The following DMD variants were observed in gnomAD, a reference collection of about 807,000 sequenced individuals.
The protein encoded by DMD is mutant dystrophin.
A neutral mutation model predicts 330.1 loss-of-function variants in DMD; 63 were observed. The ratio of observed to expected loss-of-function variants is 0.19; its 90% CI spans 0.16 to 0.24. The LOEUF (loss-of-function observed/expected upper bound fraction) is 0.24, where lower values mean the gene tolerates loss of function less well. Among genes scored for constraint, DMD ranks in the 10% least tolerant of loss-of-function variants. DMD has a pLI of 1.00. For missense variants in DMD, 3,344 were observed against 2,684.1 expected (o/e 1.25, Z -5.43); for synonymous variants, 1,223 against 959.8 (o/e 1.27, Z -5.07).
chrX:31,877,059 C>T (rs918741416), intron 47 of DMD, among the ~76,000 whole-genome samples: 2 of 111,537 alleles, frequency 1.8e-5, no homozygotes, highest in African/African-American at 6.5e-5. Context: ...ATGAACAGTA[C>T]ATTGTTTAAT....
chrX:31,258,437 A>G (rs1471293611), intron 63 of DMD, among the ~76,000 whole-genome samples: 4 of 113,015 alleles, frequency 3.5e-5, no homozygotes, highest in African/African-American at 1.3e-4. Context: ...ACTATTGGAA[A>G]TATTAACTCT....
chrX:32,452,890 G>A (rs1343052172), intron 26 of DMD, among the ~76,000 whole-genome samples: 2 of 110,797 alleles, frequency 1.8e-5, no homozygotes, highest in Non-Finnish European at 3.8e-5. Context: ...CCTTCCTTCA[G>A]GCAGATTTCT....
chrX:33,163,620 C>CTATG (rs1557282316), intron 1 of DMD, among the ~76,000 whole-genome samples: 1 of 19,465 alleles, frequency 5.1e-5, no homozygotes, highest in Non-Finnish European at 2.2e-4. Context: ...ATATCTATCT[C>CTATG]TATCTATCTA....
intron 1 of DMD, among the ~76,000 whole-genome samples, chrX:33,263,437 A>AT (rs2052992462): frequency 3.8e-5 from 4 of 106,012 alleles, no homozygotes; most frequent in African/African-American, 1.4e-4. Flanking sequence ...GCTTTTTAAA[A>AT]AATATATATA....
rs556509845 is a variant in DMD, at chrX:32,943,468, T to A, written c.93+76671A>T. On this transcript the variant is annotated intron_variant, in intron 2 of 78. Transcript: ENST00000357033. ...TTACAGTCTGCTTTATTTTTTCATG[T>A]ATGTATTTGGATTACCTTTAATATC... Among the ~76,000 whole-genome samples, 40 of 111,584 alleles carry A rather than the reference T, an allele frequency of 3.6e-4. No individual in the cohort carries two copies. In the South Asian group the frequency reaches 0.014, roughly 39 times the overall value.
rs139303190 is a variant in DMD at position 32,334,879 on chromosome X, A to C, written c.5922+7221T>G. On this transcript the variant is annotated intron_variant, in intron 41 of 78. Transcript: ENST00000357033. ...AAGTTTGCTTAATCTACTGTTTACCAAAATTGTTTAAACACTGAAACTTTT... is the reference window on the plus strand; with the variant it reads ...AAGTTTGCTTAATCTACTGTTTACCCAAATTGTTTAAACACTGAAACTTTT... Among the ~76,000 whole-genome samples, 430 of 111,678 alleles carry C rather than the reference A, an allele frequency of 3.9e-3. 16 individuals carry two copies. The East Asian group carries it at 0.11, about 27-fold the overall frequency.
intron 2 of DMD, among the ~76,000 whole-genome samples, chrX:32,960,834 A>T (rs1012570634): frequency 9.2e-6 from 1 of 108,631 alleles, no homozygotes; most frequent in African/African-American, 3.4e-5. Flanking sequence ...TCAAAAGGTC[A>T]CATCATATAG....
At chrX:32,557,039 G>T (rs1042257319) in intron 16 of DMD, among the ~76,000 whole-genome samples, 4 of 111,808 alleles carry the variant, frequency 3.6e-5, no homozygotes, top group African/African-American at 1.3e-4. Flanking sequence ...AAAAGATCTA[G>T]AAAAACTCCC....
intron 44 of DMD, among the ~76,000 whole-genome samples, chrX:32,071,353 A>G (rs1205833145): frequency 9.1e-6 from 1 of 109,671 alleles, no homozygotes; most frequent in Admixed American, 9.8e-5. Flanking sequence ...AATGATCGCC[A>G]TTCTAACTGG....
At chrX:32,386,205 T>A (rs544522667) in intron 33 of DMD, 105 bp downstream of exon 33, 7 of 823,814 alleles carry the variant, frequency 8.5e-6, no homozygotes, top group South Asian at 2.1e-5. Context: ...GAGAGAGAGG[T>A]GTTTAGAATT....
intron 43 of DMD, among the ~76,000 whole-genome samples, chrX:32,277,628 C>T (rs1212907066): frequency 9.0e-6 from 1 of 111,103 alleles, no homozygotes; most frequent in Non-Finnish European, 1.9e-5. Flanking sequence ...TCTTCTCTGA[C>T]CACAATGGAA....
intron 77 of DMD, among the ~76,000 whole-genome samples, chrX:31,127,529 C>T (rs897414066): frequency 2.7e-5 from 3 of 112,132 alleles, no homozygotes; most frequent in African/African-American, 9.7e-5. Flanking sequence ...CCTTTAAAAT[C>T]TTGGTTTTCA....
intron 53 of DMD, among the ~76,000 whole-genome samples, chrX:31,659,986 G>A (rs946218095): frequency 4.5e-5 from 5 of 111,781 alleles, no homozygotes; most frequent in African/African-American, 1.6e-4. Context: ...TAATTTCAGC[G>A]TGTTTGGTGA....
chrX:33,159,053 G>A (rs190730647), intron 1 of DMD: 2 of 111,650 alleles, frequency 1.8e-5, no homozygotes, highest in Non-Finnish European at 3.8e-5. Context: ...TTAAAAGATA[G>A]GAGTCACACC....
intron 1 of DMD, among the ~76,000 whole-genome samples, chrX:33,165,518 T>A (rs2049005360): frequency 9.0e-6 from 1 of 111,196 alleles, no homozygotes; most frequent in Non-Finnish European, 1.9e-5. Context: ...CAATTTATAA[T>A]TCCAACAATT....
intron 2 of DMD, among the ~76,000 whole-genome samples, chrX:32,876,497 C>A (rs992627802): frequency 8.1e-5 from 9 of 111,651 alleles, no homozygotes; most frequent in Middle Eastern, 4.6e-3. Flanking sequence ...TTCTTCAAGG[C>A]TCTGTTTGAA....
At chrX:32,359,111 T>A (rs987316029) in intron 37 of DMD, among the ~76,000 whole-genome samples, 1 of 111,508 alleles carries the variant, frequency 9.0e-6, no homozygotes, top group Non-Finnish European at 1.9e-5. Context: ...GCTCTCACCA[T>A]ACTGCTCCTT....
chrX:32,862,774 T>TCA (rs2082166518), intron 2 of DMD, among the ~76,000 whole-genome samples: 1 of 111,535 alleles, frequency 9.0e-6, no homozygotes, highest in Non-Finnish European at 1.9e-5. Context: ...TGAGACTCTG[T>TCA]CACCTTGGCT....
chrX:32,478,657 G>A (rs2041496757), intron 21 of DMD, among the ~76,000 whole-genome samples: 1 of 111,357 alleles, frequency 9.0e-6, no homozygotes, highest in Non-Finnish European at 1.9e-5. Context: ...TTTGTGATTG[G>A]GAATTCAATC....
Sources: allele counts gnomAD v4.1 joint callset (sites outside exome capture counted in the v4.1 genomes callset), GRCh38; gene constraint gnomAD v4.1.1; transcripts MANE v1.5; gene names NCBI Gene and HGNC (gene_info 2026-07-23, HGNC 2026-07-21).